LRMDA: variants seen among roughly 807,000 people sequenced by gnomAD.
The protein encoded by LRMDA is leucine-rich melanocyte differentiation-associated protein.
A neutral mutation model predicts 29.8 loss-of-function variants in LRMDA; 18 were observed. The ratio of observed to expected loss-of-function variants is 0.60; its 90% CI spans 0.42 to 0.90. The LOEUF is 0.90. Ranked by LOEUF, LRMDA falls within the 40% of genes least tolerant of loss-of-function variation. LRMDA has a pLI of 0.00. For synonymous variants in LRMDA, 125 were observed against 109.4 expected (o/e 1.14, Z -0.89); for missense variants, 273 against 273.9 (o/e 1.00, Z 0.02).
chr10:76,237,785 C>CTTTTTTTT (rs33976322), intron 5 of LRMDA, among the ~76,000 whole-genome samples: 2 of 84,110 alleles, frequency 2.4e-5, no homozygotes, highest in East Asian at 4.4e-4. Context: ...GACAAGAGTG[C>CTTTTTTTT]TTTTTTTTTT....
chr10:75,452,354 G>T (rs957488880), intron 2 of LRMDA, among the ~76,000 whole-genome samples: 4 of 152,126 alleles, frequency 2.6e-5, no homozygotes, highest in African/African-American at 9.7e-5. Context: ...CCTTTTCAAC[G>T]TGATTGCTGT....
At chr10:75,877,515 C>A (rs183853653) in intron 2 of LRMDA, among the ~76,000 whole-genome samples, 73 of 152,318 alleles carry the variant, frequency 4.8e-4, no homozygotes, top group African/African-American at 1.7e-3. Context: ...TTTGTAGCTC[C>A]ACACCTAATG....
chr10:75,490,094 C>T (rs958660088), intron 2 of LRMDA, among the ~76,000 whole-genome samples: 1 of 152,026 alleles, frequency 6.6e-6, no homozygotes, highest in Admixed American at 6.6e-5. Context: ...GTGTAAGGCA[C>T]TGTTTATTAT....
intron 2 of LRMDA, among the ~76,000 whole-genome samples, chr10:75,440,153 A>G (rs1844311264): frequency 1.3e-5 from 2 of 149,706 alleles, no homozygotes; most frequent in South Asian, 2.2e-4. Flanking sequence ...GGAGGTGTGT[A>G]TGTGTGGCAA....
intron 6 of LRMDA, among the ~76,000 whole-genome samples, chr10:76,391,100 T>C (rs547544884): frequency 6.6e-6 from 1 of 152,332 alleles, no homozygotes; most frequent in African/African-American, 2.4e-5. Context: ...GAATAAAACC[T>C]CTAACCAATA....
At chr10:76,007,870 A>G (rs888011428) in intron 2 of LRMDA, among the ~76,000 whole-genome samples, 4 of 152,142 alleles carry the variant, frequency 2.6e-5, no homozygotes, top group Non-Finnish European at 5.9e-5. Context: ...TTTTAAAACC[A>G]ATGGTCATGA....
intron 5 of LRMDA, among the ~76,000 whole-genome samples, chr10:76,275,328 T>A (rs560471875): frequency 1.7e-4 from 26 of 152,034 alleles, no homozygotes; most frequent in Middle Eastern, 3.2e-3. Context: ...TAATTAAGAT[T>A]TATTTGATTG....
intron 2 of LRMDA, among the ~76,000 whole-genome samples, chr10:75,833,108 A>G (rs926871490): frequency 6.6e-6 from 1 of 152,162 alleles, no homozygotes; most frequent in African/African-American, 2.4e-5. Flanking sequence ...AATCTCAACA[A>G]CTTGATGTCT....
chr10:76,253,816 C>T (rs1852531173), intron 5 of LRMDA, among the ~76,000 whole-genome samples: 1 of 151,960 alleles, frequency 6.6e-6, no homozygotes, highest in Admixed American at 6.6e-5. Context: ...AAATAAGATA[C>T]TATTTGTATA....
At chr10:76,292,513 G>C (rs1260076118) in intron 5 of LRMDA, among the ~76,000 whole-genome samples, 1 of 152,128 alleles carries the variant, frequency 6.6e-6, no homozygotes, top group Admixed American at 6.5e-5. Context: ...AATGTAGCTG[G>C]ATGTGCAGCA....
At chr10:75,492,795 A>G (rs898769961) in intron 2 of LRMDA, among the ~76,000 whole-genome samples, 1 of 152,210 alleles carries the variant, frequency 6.6e-6, no homozygotes. Context: ...TACAATGTGC[A>G]TTTAATCAAC....
chr10:76,184,067 GT>G (rs1256106169), intron 5 of LRMDA, among the ~76,000 whole-genome samples: 4 of 148,646 alleles, frequency 2.7e-5, no homozygotes, highest in Non-Finnish European at 5.9e-5. Flanking sequence ...GTCTTACTCT[GT>G]TGCCCAGGCT....
At chr10:76,406,945 A>C (rs147169481) in intron 6 of LRMDA, among the ~76,000 whole-genome samples, 9 of 152,330 alleles carry the variant, frequency 5.9e-5, no homozygotes, top group Admixed American at 2.0e-4. Context: ...GTTGAGCTAC[A>C]GTTCACTCAG....
chr10:76,443,878 T>C (rs1307573685), intron 6 of LRMDA, among the ~76,000 whole-genome samples: 2 of 152,232 alleles, frequency 1.3e-5, no homozygotes, highest in African/African-American at 4.8e-5. Context: ...TCTGGGTTTA[T>C]ATTGGTTTCT....
intron 2 of LRMDA, among the ~76,000 whole-genome samples, chr10:75,729,959 AT>A (rs923303387): frequency 6.6e-6 from 1 of 151,784 alleles, no homozygotes; most frequent in Non-Finnish European, 1.5e-5. Flanking sequence ...CACCAAGGCT[AT>A]TTTTTTTAAA....
chr10:75,566,292 C>G (rs182938835), intron 2 of LRMDA, among the ~76,000 whole-genome samples: 4 of 152,150 alleles, frequency 2.6e-5, no homozygotes, highest in South Asian at 2.1e-4. Context: ...TATGTCCACT[C>G]GTGTTCTTCA....
chr10:75,572,102 C>G (rs1180098413), intron 2 of LRMDA, among the ~76,000 whole-genome samples: 2 of 152,022 alleles, frequency 1.3e-5, no homozygotes, highest in African/African-American at 2.4e-5. Flanking sequence ...TACAGGTGCA[C>G]ACCACCACGC....
chr10:75,439,655 T>G (rs1055387562), intron 2 of LRMDA, among the ~76,000 whole-genome samples: 5 of 152,066 alleles, frequency 3.3e-5, no homozygotes, highest in Admixed American at 1.3e-4. Context: ...TTGTAGTGGA[T>G]GGAGAGTGGC....
chr10:76,105,519 T>C (rs1849466804), intron 5 of LRMDA, among the ~76,000 whole-genome samples: 1 of 152,104 alleles, frequency 6.6e-6, no homozygotes, highest in Non-Finnish European at 1.5e-5. Context: ...AAAAGTTCTT[T>C]TAATAGAAGA....
Sources: gnomAD v4.1 joint callset for allele counts (sites outside exome capture counted in the v4.1 genomes callset) on GRCh38, gnomAD v4.1.1 for gene constraint, MANE v1.5 for transcripts, NCBI Gene and HGNC (gene_info 2026-07-23, HGNC 2026-07-21) for gene names.